The following TRIM29 variants were observed in gnomAD, a reference collection of about 807,000 sequenced individuals.
TRIM29 encodes the protein tripartite motif-containing protein 29.
A neutral mutation model predicts 57.3 loss-of-function variants in TRIM29; 52 were observed. The observed-to-expected ratio is 0.91, with a 90% CI of 0.73 to 1.14. The LOEUF is 1.14. Ranked by LOEUF, TRIM29 falls within the 50% of genes most tolerant of loss-of-function variation. The pLI is 0.00. For missense variants in TRIM29, 753 were observed against 774.6 expected (o/e 0.97, Z 0.33); for synonymous variants, 319 against 316.9 (o/e 1.01, Z -0.07).
intron 6 of TRIM29, among the ~76,000 whole-genome samples, chr11:120,120,344 T>TATACAC (rs1282941754): frequency 2.9e-5 from 4 of 138,148 alleles, no homozygotes; most frequent in Admixed American, 1.4e-4. Flanking sequence ...CCCACACATG[T>TATACAC]ACACACACAC....
chr11:120,125,613 GC>G (rs1461865567), intron 4 of TRIM29, 77 bp downstream of exon 4: 13 of 1,527,384 alleles, frequency 8.5e-6, no homozygotes, highest in Middle Eastern at 2.3e-4. Context: ...CTGGAGGCCA[GC>G]CCATGTCAGG....
At chr11:120,122,178 A>C (rs1374101884) in intron 5 of TRIM29, among the ~76,000 whole-genome samples, 1 of 141,290 alleles carries the variant, frequency 7.1e-6, no homozygotes, top group African/African-American at 2.8e-5. Flanking sequence ...GACGTGTGTG[A>C]ATTACTGATT....
chr11:120,117,041 A>C, intron 7 of TRIM29: 1 of 446,144 alleles, frequency 2.2e-6, no homozygotes, highest in Non-Finnish European at 4.5e-6. Flanking sequence ...TGAACTGATA[A>C]GGGGTTTTCC....
rs1418475168 is a variant in TRIM29 at position 120,138,028 on chromosome 11, C to T, written c.4G>A (p.Glu2Lys). 6.3e-7 allele frequency: 1 copy of T among 1,595,432 alleles called. No individual in the cohort carries two copies. Among genetic ancestry groups the T allele is most frequent in the Non-Finnish European group, 8.5e-7 (1 of 1,177,114 alleles). MEAADASRSNGS... is the reference protein window; with the variant it reads MKAADASRSNGS... ...TTGCTCCTGGAGGCATCTGCAGCTTCCATCGCAGGGTGCTTGGCTGAGCTG... is the reference window on the plus strand; with the variant it reads ...TTGCTCCTGGAGGCATCTGCAGCTTTCATCGCAGGGTGCTTGGCTGAGCTG... The change falls in exon 1 of 9, where the codon GAA becomes AAA. Residue 2 changes from glutamate (E) to lysine (K), a missense_variant. By Grantham distance (56) the Glu-to-Lys change is moderately conservative. Transcript: ENST00000341846.
intron 1 of TRIM29, among the ~76,000 whole-genome samples, chr11:120,133,630 C>A (rs1219680327): frequency 6.6e-6 from 1 of 152,234 alleles, no homozygotes; most frequent in Non-Finnish European, 1.5e-5. Flanking sequence ...CTCCAGGGCA[C>A]CCTGGCCTTT....
chr11:120,137,681 T>A lies in TRIM29; in HGVS notation c.351A>T (p.Pro117=). 1 of 1,613,290 alleles carries A rather than the reference T, an allele frequency of 6.2e-7. No homozygotes were observed. Among genetic ancestry groups the A allele is most frequent in the Non-Finnish European group, 8.5e-7 (1 of 1,179,956 alleles). Residue 117 remains proline, a synonymous_variant, in exon 1 of 9, where the codon CCA becomes CCT. Coordinates refer to ENST00000341846, the MANE Select transcript of TRIM29 (RefSeq NM_012101.4). The surrounding 1 kb of genome is among the most constrained non-coding windows in gnomAD (Gnocchi z 6.2). ...CGCCCTTTTCGGCAAAGGTAACGGG[T>A]GGCTTCTTGGCAGCCCCCAGCTGGA... is the stretch of plus-strand genomic sequence containing the variant. ...AGLQLGAAKK[P]PVTFAEKGEL...
At chr11:120,123,452 T>A in intron 4 of TRIM29, 1 of 460,034 alleles carries the variant, frequency 2.2e-6, no homozygotes, top group Non-Finnish European at 4.4e-6. Flanking sequence ...GCTTGCCCAA[T>A]GTCACATGCC....
intron 8 of TRIM29, chr11:120,113,636 T>A (rs538975249): frequency 8.3e-5 from 38 of 456,226 alleles, no homozygotes; most frequent in Admixed American, 6.6e-4. Flanking sequence ...TGAGGGATGC[T>A]CAGACCTTGC....
intron 4 of TRIM29, chr11:120,123,463 G>A (rs986244019): frequency 6.5e-6 from 3 of 458,380 alleles, no homozygotes; most frequent in African/African-American, 2.0e-5. Context: ...GTCACATGCC[G>A]ATAAGGGCAG....
intron 1 of TRIM29, among the ~76,000 whole-genome samples, chr11:120,132,611 C>T (rs1863741911): frequency 6.6e-6 from 1 of 152,174 alleles, no homozygotes; most frequent in Admixed American, 6.5e-5. Context: ...TGGAGACACA[C>T]CTGAGCACCC....
In TRIM29 at chr11:120,125,423, C is replaced by T. The variant is rs1254229117; in HGVS notation, c.1333+268G>A. On this transcript the variant is annotated intron_variant, in intron 4 of 8. Transcript: ENST00000341846. ...GTCTCTGAGTTTGATGGACAACCCA[C>T]AGAGAGGAGGCATTTGTGGAGCCAG... is the stretch of plus-strand genomic sequence containing the variant. 1.0e-5 allele frequency: 5 copies of T among 499,138 alleles called. No individual in the cohort carries two copies. In the South Asian group the frequency reaches 1.4e-4, roughly 14 times the overall value. The allele number at this position is 499,138 out of a possible 1,614,324, so 30.9% of individuals were successfully genotyped here.
intron 5 of TRIM29, chr11:120,120,901 A>G: frequency 3.2e-6 from 2 of 621,560 alleles, no homozygotes; most frequent in Non-Finnish European, 3.0e-6. Flanking sequence ...TGGAGAGGCC[A>G]TGGCAACCAC....
chr11:120,133,452 T>C (rs1428782671), intron 1 of TRIM29, among the ~76,000 whole-genome samples: 1 of 152,244 alleles, frequency 6.6e-6, no homozygotes, highest in Non-Finnish European at 1.5e-5. Context: ...GCCTCCTGCC[T>C]GCCTGTCACT....
At chr11:120,119,802 T>A (rs1863388446) in intron 6 of TRIM29, among the ~76,000 whole-genome samples, 3 of 152,004 alleles carry the variant, frequency 2.0e-5, no homozygotes, top group African/African-American at 4.8e-5. Flanking sequence ...GTCCCCTCCC[T>A]CCCTGTGCAT....
At chr11:120,122,778 C>T (rs1863490607) in intron 5 of TRIM29, among the ~76,000 whole-genome samples, 176 bp downstream of exon 5, 1 of 152,140 alleles carries the variant, frequency 6.6e-6, no homozygotes. Context: ...AGAGCTAACA[C>T]AGACCTGTTC....
chr11:120,123,118 G>T, intron 4 of TRIM29, 63 bp from the exon 5 acceptor site: 1 of 1,439,578 alleles, frequency 6.9e-7, no homozygotes, highest in Non-Finnish European at 9.8e-7. Flanking sequence ...AGCCACTGGG[G>T]ACTTTTGGGG....
chr11:120,120,835 C>T (rs1428957090), intron 5 of TRIM29, 170 bp from the exon 6 acceptor site: 2 of 701,244 alleles, frequency 2.9e-6, no homozygotes, highest in Non-Finnish European at 5.2e-6. Flanking sequence ...AATTGGCATG[C>T]TTTTGAGAGT....
intron 6 of TRIM29, chr11:120,118,791 C>T (rs765445463): frequency 2.6e-5 from 4 of 154,586 alleles, no homozygotes; most frequent in South Asian, 2.0e-4. Flanking sequence ...CCACCCTCGG[C>T]GATTCATGGG....
chr11:120,127,237 G>C (rs1370994319), intron 3 of TRIM29, 99 bp downstream of exon 3: 1 of 993,600 alleles, frequency 1.0e-6, no homozygotes, highest in African/African-American at 1.6e-5. Flanking sequence ...AGACGAATAG[G>C]TGGATAAGTG....
Sources: allele counts gnomAD v4.1 joint callset (sites outside exome capture counted in the v4.1 genomes callset), GRCh38; gene constraint gnomAD v4.1.1; non-coding constraint Gnocchi (gnomAD v3.1); transcripts MANE v1.5; gene names NCBI Gene and HGNC (gene_info 2026-07-23, HGNC 2026-07-21).